INPP4A: variants seen among roughly 807,000 people sequenced by gnomAD.
INPP4A encodes inositol polyphosphate-4-phosphatase type I A.
INPP4A carries 33 observed loss-of-function variants against 119.8 expected under a neutral mutation model. The observed-to-expected ratio is 0.28, with a 90% CI of 0.21 to 0.37. The LOEUF is 0.37. Among genes scored for constraint, INPP4A ranks in the 10% least tolerant of loss-of-function variants. The pLI, the probability that INPP4A is intolerant of heterozygous loss-of-function variation, is 1.00. For synonymous variants in INPP4A, 496 were observed against 500.7 expected, an observed-to-expected ratio of 0.99 and a Z score of 0.12; for missense variants, 956 against 1,289.9, an observed-to-expected ratio of 0.74 and a Z score of 3.97.
intron 1 of INPP4A, among the ~76,000 whole-genome samples, chr2:98,451,339 A>G (rs1056035137): frequency 1.3e-5 from 2 of 152,100 alleles, no homozygotes; most frequent in Non-Finnish European, 2.9e-5. Flanking sequence ...AAGCAGATGT[A>G]TATGGTGGGG....
chr2:98,536,252 AG>A lies in INPP4A; in HGVS notation c.467+46del, dbSNP rs763300503. The A allele has an allele frequency of 2.4e-6, 3 of 1,225,036 alleles. No homozygotes were observed. The African/African-American group carries it at 4.4e-5, about 18-fold the overall frequency. The allele number at this position is 1,225,036 out of a possible 1,614,324, so 75.9% of individuals were successfully genotyped here. A position where few individuals can be genotyped will look rare whatever the true frequency, so the allele number is the denominator to read the frequency against. ...TCCCTTGAAAGGATCTGGAATCATGAGGTCCAGGGACAGATGGGGAAAGGAC... is the reference window on the plus strand; with the variant it reads ...TCCCTTGAAAGGATCTGGAATCATGAGTCCAGGGACAGATGGGGAAAGGAC... On this transcript the variant is annotated intron_variant, in intron 7 of 24. Transcript: ENST00000409851.
rs766275423 is a variant in INPP4A at position 98,520,003 on chromosome 2, C to T, written c.-46C>T. 138 of 1,473,474 alleles carry T rather than the reference C, an allele frequency of 9.4e-5. No homozygotes were observed. The highest frequency in any genetic ancestry group is 1.5e-4 in the East Asian group (6 of 40,744). 91.3% of individuals were successfully genotyped at this position (1,473,474 alleles called of 1,614,324 possible). A position where few individuals can be genotyped will look rare whatever the true frequency, so the allele number is the denominator to read the frequency against. On this transcript the variant is annotated 5_prime_UTR_variant, in exon 3 of 25. Transcript: ENST00000409851. ...TGCCAGCACTTCCCGGGTAATCAGG[C>T]GTGGTCTGACCGAGGATCAAGAAGC...
At chr2:98,583,734 C>T (rs1466890625) in intron 24 of INPP4A, among the ~76,000 whole-genome samples, 1 of 152,164 alleles carries the variant, frequency 6.6e-6, no homozygotes, top group Non-Finnish European at 1.5e-5. Flanking sequence ...GAAACCCAGT[C>T]GACCACAAAA....
chr2:98,572,689 CCTT>C (rs1389822748), intron 22 of INPP4A, 123 bp from the exon 23 acceptor site: 1 of 612,618 alleles, frequency 1.6e-6, no homozygotes, highest in African/African-American at 1.8e-5. Context: ...CACCTCCATC[CCTT>C]CTTCAACCGG....
chr2:98,561,977 C>T lies in INPP4A; in HGVS notation c.1856-1488C>T, dbSNP rs146681084. On this transcript the variant is annotated intron_variant, in intron 17 of 24. Coordinates refer to ENST00000409851, the MANE Select transcript of INPP4A (RefSeq NM_001134225.2). Reference sequence around the variant, plus strand: ...AGAACTTTAGTGGAGGAAAGAGACTCGGACATTATCTAGTGCCTCTCTCTC... The same window carrying T: ...AGAACTTTAGTGGAGGAAAGAGACTTGGACATTATCTAGTGCCTCTCTCTC... Among the ~76,000 whole-genome samples, 126 of 152,294 alleles carry T rather than the reference C, an allele frequency of 8.3e-4. 2 individuals are homozygous for T. In the East Asian group the frequency reaches 0.01, roughly 13 times the overall value.
At chr2:98,500,589 C>T (rs561086502) in intron 1 of INPP4A, among the ~76,000 whole-genome samples, 102 of 152,186 alleles carry the variant, frequency 6.7e-4, no homozygotes, top group African/African-American at 2.2e-3. Context: ...ACAGCACGGG[C>T]AAGTGGGAAT....
chr2:98,552,747 TC>T (rs1386207282), intron 13 of INPP4A, 38 bp from the exon 14 acceptor site: 2 of 1,515,654 alleles, frequency 1.3e-6, no homozygotes, highest in African/African-American at 2.7e-5. Context: ...CTTTTCAGAT[TC>T]TGGAGAATCC....
chr2:98,518,395 G>C (rs987520830), intron 1 of INPP4A, among the ~76,000 whole-genome samples: 1 of 152,336 alleles, frequency 6.6e-6, no homozygotes, highest in South Asian at 2.1e-4. Context: ...CTGATTCCCC[G>C]ACCCTGGTGC....
chr2:98,572,203 T>C (rs1697590156), intron 22 of INPP4A, among the ~76,000 whole-genome samples: 2 of 152,348 alleles, frequency 1.3e-5, no homozygotes, highest in Admixed American at 1.3e-4. Flanking sequence ...TCCTCAGTTT[T>C]GTCTGGGGTT....
chr2:98,564,646 G>A lies in INPP4A; in HGVS notation c.2035G>A (p.Ala679Thr), dbSNP rs757028003. The A allele has an allele frequency of 6.2e-6, 10 of 1,613,110 alleles. No individual in the cohort carries two copies. Among genetic ancestry groups the A allele is most frequent in the East Asian group, 2.2e-5 (1 of 44,878 alleles). The change falls in exon 19 of 25, where the codon GCC becomes ACC. Residue 679 changes from alanine to threonine, a missense_variant. Coordinates refer to ENST00000409851, the MANE Select transcript of INPP4A (RefSeq NM_001134225.2). ...TCACCCCACGCTCCCACAGCTGACC[G>A]CCCTCATCTGCGGCTTCATCATTAA... ...RDVVFCQTLT[A>T]LICGFIIKLR...
At chr2:98,448,034 G>C (rs1467858829) in intron 1 of INPP4A, among the ~76,000 whole-genome samples, 8 of 133,370 alleles carry the variant, frequency 6.0e-5, no homozygotes, top group African/African-American at 2.9e-5. Flanking sequence ...AGGACAGAGT[G>C]AGACTCTGTC....
At chr2:98,512,095 A>G (rs1685216665) in intron 1 of INPP4A, among the ~76,000 whole-genome samples, 1 of 152,242 alleles carries the variant, frequency 6.6e-6, no homozygotes, top group Admixed American at 6.5e-5. Context: ...GGAAAAGCCA[A>G]GGTGAGAACC....
intron 1 of INPP4A, among the ~76,000 whole-genome samples, chr2:98,455,919 C>G (rs1423484225): frequency 6.6e-6 from 1 of 152,194 alleles, no homozygotes; most frequent in Non-Finnish European, 1.5e-5. Context: ...CCACATTCTT[C>G]CTGGTCCAGC....
Position 98,589,755 on chromosome 2 carries a change from T to A in INPP4A, c.*2147T>A. The A allele has an allele frequency of 5.5e-6, 1 of 182,790 alleles. No homozygotes were observed. The allele number at this position is 182,790 out of a possible 1,614,324, so 11.3% of individuals were successfully genotyped here. A position where few individuals can be genotyped will look rare whatever the true frequency, so the allele number is the denominator to read the frequency against. On this transcript the variant is annotated 3_prime_UTR_variant, in exon 25 of 25. Coordinates refer to ENST00000409851, the MANE Select transcript of INPP4A (RefSeq NM_001134225.2). ...CAGCTCCTCTCTTCTGTAGGAGCTT[T>A]GGGTTTTCAGAGGTGCAGGGAAGGC...
chr2:98,588,790 G>A lies in INPP4A; in HGVS notation c.*1182G>A. 1 of 221,774 alleles carries A rather than the reference G, an allele frequency of 4.5e-6. No homozygotes were observed. Among genetic ancestry groups the A allele is most frequent in the Non-Finnish European group, 9.0e-6 (1 of 111,054 alleles). The allele number at this position is 221,774 out of a possible 1,614,324, so 13.7% of individuals were successfully genotyped here. On this transcript the variant is annotated 3_prime_UTR_variant, in exon 25 of 25. Transcript: ENST00000409851. ...GCACATAGCAGAGTTTGTTTCTTAG[G>A]AGTTTATATGTTTTATTGATTCTGT...
chr2:98,581,778 A>G lies in INPP4A; in HGVS notation c.2786+4635A>G, dbSNP rs1699349167. The G allele has an allele frequency of 2.5e-6, 4 of 1,600,042 alleles. No individual in the cohort carries two copies. In the South Asian group the frequency reaches 3.4e-5, roughly 14 times the overall value. On this transcript the variant is annotated intron_variant, in intron 24 of 24. Transcript: ENST00000409851. ...ATGAATATCATTATGAAAAATTAAT[A>G]AGTCACAAGAAAAACAAAAGTGCCA...
chr2:98,539,912 T>G (rs1194891365), intron 10 of INPP4A, among the ~76,000 whole-genome samples: 2 of 152,138 alleles, frequency 1.3e-5, no homozygotes, highest in Non-Finnish European at 2.9e-5. Flanking sequence ...TGCCCCACAC[T>G]CAGAACCTCC....
intron 1 of INPP4A, among the ~76,000 whole-genome samples, chr2:98,502,801 C>T (rs958184254): frequency 6.6e-6 from 1 of 152,176 alleles, no homozygotes; most frequent in Non-Finnish European, 1.5e-5. Flanking sequence ...GGAGACCTAG[C>T]TCAAAGGCAA....
chr2:98,512,695 G>GC (rs1433947041), intron 1 of INPP4A, among the ~76,000 whole-genome samples: 2 of 152,200 alleles, frequency 1.3e-5, no homozygotes, highest in African/African-American at 4.8e-5. Context: ...CCTCTTAAGT[G>GC]CCCCGCCTCC....
Sources: gnomAD v4.1 joint callset for allele counts (sites outside exome capture counted in the v4.1 genomes callset) on GRCh38, gnomAD v4.1.1 for gene constraint, MANE v1.5 for transcripts, NCBI Gene and HGNC (gene_info 2026-07-23, HGNC 2026-07-21) for gene names.